Variants in USP37 observed in about 807,000 individuals in gnomAD.
USP37 encodes the protein ubiquitin carboxyl-terminal hydrolase 37.
Under a neutral mutation model 124.0 loss-of-function variants are expected in USP37, and 27 were observed. That is an observed-to-expected ratio of 0.22 (90% confidence interval 0.16 to 0.30). The LOEUF is 0.30. Among genes scored for constraint, USP37 ranks in the 10% least tolerant of loss-of-function variants. USP37 has a pLI of 1.00. For missense variants in USP37, 889 were observed against 1,140.4 expected, an observed-to-expected ratio of 0.78 and a Z score of 3.17; for synonymous variants, 365 against 388.0, an observed-to-expected ratio of 0.94 and a Z score of 0.70.
At chr2:218,480,868 A>G (rs1691237248) in intron 17 of USP37, among the ~76,000 whole-genome samples, 1 of 152,212 alleles carries the variant, frequency 6.6e-6, no homozygotes, top group South Asian at 2.1e-4. Flanking sequence ...CTGTGAGAGG[A>G]AAAAACCAGA....
At chr2:218,557,930 CAAAAAAA>C (rs61488353) in intron 4 of USP37, among the ~76,000 whole-genome samples, 4 of 35,668 alleles carry the variant, frequency 1.1e-4, no homozygotes, top group Non-Finnish European at 2.1e-4. Flanking sequence ...GACTCTGTCT[CAAAAAAA>C]AAAAAAAAAA....
intron 20 of USP37, among the ~76,000 whole-genome samples, chr2:218,471,304 G>C (rs1690673367): frequency 6.6e-6 from 1 of 152,184 alleles, no homozygotes; most frequent in African/African-American, 2.4e-5. Context: ...ACTTTGAGAA[G>C]CACTGGTCTA....
intron 20 of USP37, among the ~76,000 whole-genome samples, chr2:218,468,235 G>T (rs141577152): frequency 0.023 from 3,448 of 149,906 alleles, 133 homozygotes; most frequent in African/African-American, 0.081. Context: ...ATGGAGTTTC[G>T]CTCTTGTTGC....
intron 6 of USP37, among the ~76,000 whole-genome samples, chr2:218,548,148 TAA>T (rs1692468111): frequency 6.6e-6 from 1 of 152,204 alleles, no homozygotes; most frequent in Non-Finnish European, 1.5e-5. Flanking sequence ...AGACCAATGA[TAA>T]GTCTCACTAT....
intron 5 of USP37, among the ~76,000 whole-genome samples, chr2:218,550,521 A>T (rs927662390): frequency 2.6e-5 from 4 of 152,140 alleles, no homozygotes; most frequent in Admixed American, 2.6e-4. Context: ...AATGCTTAAC[A>T]TCCTTTCACA....
intron 10 of USP37, among the ~76,000 whole-genome samples, chr2:218,524,988 ATCT>A (rs1690876150): frequency 6.6e-6 from 1 of 152,156 alleles, no homozygotes; most frequent in Non-Finnish European, 1.5e-5. Context: ...AGAAAAGAAG[ATCT>A]TCTTTACTGT....
At position 218,550,635 on chromosome 2, in the gene USP37, GA is replaced by G. The variant is rs373286666; in HGVS notation, c.329-727del. Among the ~76,000 whole-genome samples, 281 of 97,966 alleles carry G rather than the reference GA, an allele frequency of 2.9e-3. 1 individual carries two copies. The highest frequency in any genetic ancestry group is 1.0e-2 in the South Asian group (29 of 2,902). 64.3% of individuals were successfully genotyped at this position (97,966 alleles called of 152,430 possible). A position where few individuals can be genotyped will look rare whatever the true frequency, so the allele number is the denominator to read the frequency against. On this transcript the variant is annotated intron_variant, in intron 5 of 25. Transcript: ENST00000258399. ...CAGTCCTCAAAAAAAAAAGAAAAAA[GA>G]AAAAAAAAAAAAAACCTCTATGCTC...
intron 23 of USP37, among the ~76,000 whole-genome samples, 200 bp downstream of exon 23, chr2:218,459,590 T>TTTTG (rs139713541): frequency 5.3e-5 from 8 of 152,170 alleles, no homozygotes; most frequent in Non-Finnish European, 1.0e-4. Context: ...TTCCTGTTTT[T>TTTTG]TTTGTTTGTT....
In USP37 at chr2:218,451,060, T is replaced by A. The variant is rs1223641589; in HGVS notation, c.*3870A>T. 1 of 152,120 alleles carries A rather than the reference T, an allele frequency of 6.6e-6. No individual in the cohort carries two copies. The highest frequency in any genetic ancestry group is 1.5e-5 in the Non-Finnish European group (1 of 68,008). The allele number at this position is 152,120 out of a possible 1,614,324, so 9.4% of individuals were successfully genotyped here. ...GGCCTAACAAATTAGAATTTTCCAA[T>A]AAAAAATATATATTTTTTCAGATGT... On this transcript the variant is annotated 3_prime_UTR_variant, in exon 26 of 26. Coordinates refer to ENST00000258399, the MANE Select transcript of USP37 (RefSeq NM_020935.3).
intron 16 of USP37, among the ~76,000 whole-genome samples, chr2:218,483,347 C>T (rs962121317): frequency 6.6e-6 from 1 of 152,072 alleles, no homozygotes; most frequent in African/African-American, 2.4e-5. Flanking sequence ...AATCACTGAT[C>T]TTCAAAGATG....
chr2:218,494,811 T>A (rs1688983829), intron 14 of USP37, among the ~76,000 whole-genome samples: 1 of 152,198 alleles, frequency 6.6e-6, no homozygotes, highest in Non-Finnish European at 1.5e-5. Context: ...GTATGGAAAT[T>A]AATTTAATGT....
intron 22 of USP37, among the ~76,000 whole-genome samples, chr2:218,460,380 C>T (rs1031684970): frequency 6.6e-6 from 1 of 152,162 alleles, no homozygotes; most frequent in Non-Finnish European, 1.5e-5. Context: ...CCAACACGCT[C>T]AGCCCACTGT....
chr2:218,514,571 G>A (rs1690171691), intron 10 of USP37: 1 of 151,984 alleles, frequency 6.6e-6, no homozygotes, highest in South Asian at 2.1e-4. Context: ...TACTGGTGTT[G>A]GTAATCTTGA....
intron 10 of USP37, among the ~76,000 whole-genome samples, chr2:218,526,738 T>G (rs758844288): frequency 6.6e-6 from 1 of 150,482 alleles, no homozygotes; most frequent in Non-Finnish European, 1.5e-5. Flanking sequence ...TGTTAAGACA[T>G]GGAGGGTACA....
intron 8 of USP37, among the ~76,000 whole-genome samples, chr2:218,542,431 G>A (rs191348104): frequency 2.0e-5 from 3 of 152,294 alleles, no homozygotes; most frequent in African/African-American, 4.8e-5. Flanking sequence ...CCTCCCTGAT[G>A]TGCAGAAACA....
At chr2:218,552,760 C>G (rs960047113) in intron 5 of USP37, among the ~76,000 whole-genome samples, 2 of 152,006 alleles carry the variant, frequency 1.3e-5, no homozygotes, top group African/African-American at 2.4e-5. Context: ...AGTAAAACTT[C>G]AGAATAATTT....
chr2:218,544,721 C>T (rs1390529843), intron 8 of USP37, among the ~76,000 whole-genome samples: 2 of 152,106 alleles, frequency 1.3e-5, no homozygotes, highest in African/African-American at 2.4e-5. Flanking sequence ...CTTATTCCAA[C>T]GCCTTCACTG....
At chr2:218,472,115 C>T (rs1293990367) in intron 20 of USP37, among the ~76,000 whole-genome samples, 1 of 151,896 alleles carries the variant, frequency 6.6e-6, no homozygotes, top group East Asian at 1.9e-4. Flanking sequence ...GTCTTTCCTT[C>T]GCAATGTGAT....
intron 20 of USP37, among the ~76,000 whole-genome samples, chr2:218,471,088 T>C (rs1690659159): frequency 2.0e-5 from 3 of 152,246 alleles, no homozygotes; most frequent in South Asian, 4.1e-4. Context: ...TTTAAGAGTG[T>C]AGTCCTGAGT....
Sources: gnomAD v4.1 joint callset for allele counts (sites outside exome capture counted in the v4.1 genomes callset) on GRCh38, gnomAD v4.1.1 for gene constraint, MANE v1.5 for transcripts, NCBI Gene and HGNC (gene_info 2026-07-23, HGNC 2026-07-21) for gene names.